The following SAMD12 variants were observed in gnomAD, a reference collection of about 807,000 sequenced individuals.
The protein encoded by SAMD12 is sterile alpha motif domain containing 12, also known as sterile alpha motif domain-containing protein 12.
SAMD12 carries 9 observed loss-of-function variants against 15.0 expected under a neutral mutation model. The ratio of observed to expected loss-of-function variants is 0.60; its 90% CI spans 0.36 to 1.05. SAMD12 has a LOEUF of 1.05. SAMD12 is among the 50% of genes least tolerant of loss of function. SAMD12 has a pLI of 0.01. For missense variants in SAMD12, 230 were observed against 234.2 expected, an observed-to-expected ratio of 0.98 and a Z score of 0.12; for synonymous variants, 86 against 90.1, an observed-to-expected ratio of 0.96 and a Z score of 0.25.
intron 4 of SAMD12, among the ~76,000 whole-genome samples, chr8:118,316,728 G>A (rs1815926701): frequency 6.6e-6 from 1 of 151,702 alleles, no homozygotes. Flanking sequence ...GGAATGAATT[G>A]TGTCCACTCC....
intron 1 of SAMD12, among the ~76,000 whole-genome samples, chr8:118,585,542 TC>T (rs1342613150): frequency 8.7e-5 from 13 of 149,432 alleles, no homozygotes; most frequent in Non-Finnish European, 1.2e-4. Context: ...AAAGAGAGGT[TC>T]CAAAGATATT....
chr8:118,354,012 A>G (rs987537866), intron 4 of SAMD12, among the ~76,000 whole-genome samples: 1 of 152,094 alleles, frequency 6.6e-6, no homozygotes, highest in Non-Finnish European at 1.5e-5. Context: ...AGAGCTCTTT[A>G]ACACACTCCC....
chr8:118,285,815 T>C (rs887005938), intron 4 of SAMD12, among the ~76,000 whole-genome samples: 3 of 152,200 alleles, frequency 2.0e-5, no homozygotes, highest in Admixed American at 1.3e-4. Context: ...GTACAGTAAT[T>C]GGTAGCTATA....
At chr8:118,213,253 G>C (rs368217135) in intron 4 of SAMD12, among the ~76,000 whole-genome samples, 4 of 152,172 alleles carry the variant, frequency 2.6e-5, no homozygotes, top group African/African-American at 9.7e-5. Context: ...GGACAGGCCT[G>C]AGACTTCTTG....
At chr8:118,547,945 A>T (rs1481442376) in intron 2 of SAMD12, among the ~76,000 whole-genome samples, 2 of 152,206 alleles carry the variant, frequency 1.3e-5, no homozygotes, top group East Asian at 3.8e-4. Flanking sequence ...AGAGGGGTAC[A>T]TGTAACACAC....
Position 118,580,873 on chromosome 8 carries a change from G to T in SAMD12, c.34C>A (p.Pro12Thr). 2 of 1,611,536 alleles carry T rather than the reference G, an allele frequency of 1.2e-6. No individual in the cohort carries two copies. Among genetic ancestry groups the T allele is most frequent in the Non-Finnish European group, 8.5e-7 (1 of 1,178,748 alleles). Reference protein sequence around the residue: ...AVEALHCGLNPRGIDHPAHAE... With the variant: ...AVEALHCGLNTRGIDHPAHAE... ...TGGGCAGGGTGATCAATACCCCGTG[G>T]ATTCAAACCACAGTGGAGAGCTAGG... Residue 12 changes from proline to threonine, a missense_variant, in exon 2 of 4, where the codon CCA becomes ACA. By Grantham distance (38) the Pro-to-Thr change is conservative. Transcript: ENST00000314727.
chr8:118,188,250 T>G (rs905392008), downstream of SAMD12, among the ~76,000 whole-genome samples: 2 of 152,084 alleles, frequency 1.3e-5, no homozygotes, highest in African/African-American at 4.8e-5. Context: ...TAGTTAGAAA[T>G]GATCCCAAAA....
At chr8:118,210,290 G>A (rs1237171872) in intron 4 of SAMD12, among the ~76,000 whole-genome samples, 1 of 152,162 alleles carries the variant, frequency 6.6e-6, no homozygotes, top group East Asian at 1.9e-4. Context: ...TTTGAAATGG[G>A]AGAACTAGAG....
the SAMD12 span, among the ~76,000 whole-genome samples, chr8:118,133,928 C>T: frequency 6.6e-6 from 1 of 152,158 alleles, no homozygotes; most frequent in Admixed American, 6.6e-5. Context: ...GGTTGTTTAT[C>T]ATGTCTTGAT....
chr8:118,486,895 AGGACCCAT>A (rs928793513), intron 2 of SAMD12, among the ~76,000 whole-genome samples: 17 of 152,240 alleles, frequency 1.1e-4, no homozygotes, highest in Non-Finnish European at 1.2e-4. Context: ...GCCCTCCGAC[AGGACCCAT>A]GGCCACAGGT....
At chr8:118,558,060 A>T (rs576058265) in intron 2 of SAMD12, among the ~76,000 whole-genome samples, 1 of 152,288 alleles carries the variant, frequency 6.6e-6, no homozygotes, top group African/African-American at 2.4e-5. Flanking sequence ...TATTTTTGCC[A>T]TTACAAATAA....
the SAMD12 span, among the ~76,000 whole-genome samples, chr8:118,144,553 TGA>T: frequency 6.6e-6 from 1 of 151,928 alleles, no homozygotes; most frequent in Non-Finnish European, 1.5e-5. Context: ...TTGATGAAAA[TGA>T]GTTTTAATTT....
At chr8:118,152,588 C>T in the SAMD12 span, among the ~76,000 whole-genome samples, 71 of 151,796 alleles carry the variant, frequency 4.7e-4, 1 homozygote, top group Non-Finnish European at 6.0e-4. Flanking sequence ...AACCTTTGTT[C>T]ACCAGTCTCA....
At chr8:118,374,874 A>T (rs1308905256), downstream of SAMD12, among the ~76,000 whole-genome samples, 4 of 150,942 alleles carry the variant, frequency 2.7e-5, no homozygotes, top group African/African-American at 9.8e-5. Context: ...TATATTCTGG[A>T]TATTAACCCC....
chr8:118,471,692 G>C (rs1210186980), intron 2 of SAMD12, among the ~76,000 whole-genome samples: 1 of 152,188 alleles, frequency 6.6e-6, no homozygotes, highest in Non-Finnish European at 1.5e-5. Context: ...TTTGGGTGTA[G>C]TGTCCATGAA....
chr8:118,271,375 T>G (rs989296510), intron 4 of SAMD12, among the ~76,000 whole-genome samples: 1 of 152,016 alleles, frequency 6.6e-6, no homozygotes, highest in Non-Finnish European at 1.5e-5. Context: ...ACAAATTCCC[T>G]CCCATGACAT....
intron 4 of SAMD12, among the ~76,000 whole-genome samples, chr8:118,296,190 C>T (rs967872731): frequency 1.3e-5 from 2 of 152,166 alleles, no homozygotes; most frequent in Non-Finnish European, 2.9e-5. Flanking sequence ...AGACTGAAGG[C>T]CAGTGGGACC....
At chr8:118,154,479 G>A in the SAMD12 span, among the ~76,000 whole-genome samples, 3 of 152,066 alleles carry the variant, frequency 2.0e-5, no homozygotes, top group African/African-American at 7.2e-5. Flanking sequence ...TTATCATAAC[G>A]CAGATCTCAC....
At chr8:118,152,449 T>C in the SAMD12 span, among the ~76,000 whole-genome samples, 1 of 128,332 alleles carries the variant, frequency 7.8e-6, no homozygotes, top group Non-Finnish European at 1.7e-5. Context: ...CCTTCCTCCC[T>C]CCCTCCCTAC....
Sources: allele counts gnomAD v4.1 joint callset (sites outside exome capture counted in the v4.1 genomes callset), GRCh38; gene constraint gnomAD v4.1.1; transcripts MANE v1.5; gene names NCBI Gene and HGNC (gene_info 2026-07-23, HGNC 2026-07-21).